Variants in SARAF observed in about 807,000 individuals in gnomAD.
SARAF encodes store-operated calcium entry-associated regulatory factor.
In SARAF, 23 loss-of-function variants were observed where a neutral mutation model predicts 39.7. The observed-to-expected ratio is 0.58, with a 90% CI of 0.42 to 0.82. The LOEUF (loss-of-function observed/expected upper bound fraction) is 0.82, where lower values mean the gene tolerates loss of function less well. Among genes scored for constraint, SARAF ranks in the 40% least tolerant of loss-of-function variants. The probability of loss-of-function intolerance (pLI) is 0.00; values close to 1 mark genes in which losing one functional copy is unlikely to be tolerated. For synonymous variants in SARAF, 175 were observed against 168.5 expected, an observed-to-expected ratio of 1.04 and a Z score of -0.30; for missense variants, 384 against 418.5, an observed-to-expected ratio of 0.92 and a Z score of 0.72.
chr8:30,075,596 G>C (rs990930046), intron 1 of SARAF, among the ~76,000 whole-genome samples: 5 of 152,124 alleles, frequency 3.3e-5, no homozygotes, highest in African/African-American at 1.2e-4. Flanking sequence ...CACAGGCATG[G>C]AGACCATGAG....
chr8:30,064,562 T>TATATATATATA (rs1182365966), intron 5 of SARAF, among the ~76,000 whole-genome samples: 8 of 18,632 alleles, frequency 4.3e-4, no homozygotes, highest in Non-Finnish European at 5.8e-4. Flanking sequence ...TATATATATA[T>TATATATATATA]TTTTTTTTTT....
intron 1 of SARAF, among the ~76,000 whole-genome samples, chr8:30,082,067 G>T (rs1032081101): frequency 6.6e-6 from 1 of 152,198 alleles, no homozygotes; most frequent in African/African-American, 2.4e-5. Context: ...TAAAGACGCG[G>T]TGGCTCACGC....
chr8:30,082,182 C>CAA (rs536943982), intron 1 of SARAF: 2 of 152,034 alleles, frequency 1.3e-5, no homozygotes, highest in African/African-American at 4.8e-5. Context: ...ACTAAAAATA[C>CAA]AAAAAAATAG....
At position 30,066,065 on chromosome 8, in the gene SARAF, G is replaced by A. The variant is rs2117420228; in HGVS notation, c.917C>T (p.Ala306Val). Residue 306 changes from alanine to valine, a missense_variant, in exon 5 of 6, where the codon GCT becomes GTT. Coordinates refer to ENST00000256255, the MANE Select transcript of SARAF (RefSeq NM_016127.6). ...PPSYPGTWNR[A>V]YSPLHGGSGS... is the part of the protein sequence containing the mutation. ...CGAGCCTCCATGAAGGGGTGAGTAA[G>A]CCCTATTCCACGTGCCAGGGTAGGA... 3 of 1,614,128 alleles carry A rather than the reference G, an allele frequency of 1.9e-6. No homozygotes were observed. The South Asian group carries it at 3.3e-5, about 18-fold the overall frequency.
intron 1 of SARAF, among the ~76,000 whole-genome samples, chr8:30,077,695 G>C (rs111951973): frequency 1.6e-4 from 24 of 150,864 alleles, no homozygotes; most frequent in Non-Finnish European, 2.2e-4. Context: ...CCAGCTACTC[G>C]GGGGGCTGAG....
Position 30,066,934 on chromosome 8 carries a change from A to G in SARAF, c.701-16T>C, listed in dbSNP as rs1801705584. On this transcript the variant is annotated splice_polypyrimidine_tract_variant and intron_variant, in intron 3 of 5. Transcript: ENST00000256255. The stretch of plus-strand genomic sequence containing the variant: ...TTCTGTGGTCCTTAAAATAAAAATG[A>G]TTTATTATGTATCCTCACTTAAACA... 1.3e-6 allele frequency: 2 copies of G among 1,546,192 alleles called. No individual in the cohort carries two copies. The highest frequency in any genetic ancestry group is 1.7e-5 in the Admixed American group (1 of 58,996).
At chr8:30,068,227 C>A (rs1026719195) in intron 3 of SARAF, among the ~76,000 whole-genome samples, 4 of 152,158 alleles carry the variant, frequency 2.6e-5, no homozygotes, top group African/African-American at 9.7e-5. Context: ...AAAGCCACTC[C>A]CCCATCACTT....
At chr8:30,065,294 T>C (rs900431127) in intron 5 of SARAF, among the ~76,000 whole-genome samples, 3 of 152,244 alleles carry the variant, frequency 2.0e-5, no homozygotes, top group Admixed American at 6.5e-5. Context: ...GAAGTATGCA[T>C]AGGTTCAATT....
At chr8:30,081,272 C>T (rs1802092815) in intron 1 of SARAF, among the ~76,000 whole-genome samples, 1 of 152,172 alleles carries the variant, frequency 6.6e-6, no homozygotes, top group Admixed American at 6.5e-5. Context: ...CGTAGATAAA[C>T]CAGGAAGTGG....
chr8:30,082,015 T>G (rs1264335584), intron 1 of SARAF, among the ~76,000 whole-genome samples: 1 of 152,148 alleles, frequency 6.6e-6, no homozygotes, highest in Non-Finnish European at 1.5e-5. Context: ...TGCCGCGCGA[T>G]GTACATCACT....
intron 1 of SARAF, among the ~76,000 whole-genome samples, chr8:30,077,193 T>C (rs747683911): frequency 5.9e-5 from 9 of 152,196 alleles, no homozygotes; most frequent in Non-Finnish European, 1.3e-4. Flanking sequence ...CAGTGGCTCA[T>C]GCCTGTAATC....
chr8:30,076,995 A>C (rs928226263), intron 1 of SARAF, among the ~76,000 whole-genome samples: 2 of 152,250 alleles, frequency 1.3e-5, no homozygotes, highest in Non-Finnish European at 2.9e-5. Flanking sequence ...AGGAAGCAGG[A>C]GGAAAAAAGA....
chr8:30,082,908 C>A lies in SARAF; in HGVS notation c.42G>T (p.Leu14Phe). Residue 14 changes from leucine (L) to phenylalanine (F), a missense_variant, in exon 1 of 6, where the codon TTG becomes TTT. Coordinates refer to ENST00000256255, the MANE Select transcript of SARAF (RefSeq NM_016127.6). Reference sequence around the variant, plus strand: ...GCAGAAACAAATGCAAGCCGAGGAGCAAGCAGTACCCGGCCGCTCCCGGCC... The same window carrying A: ...GCAGAAACAAATGCAAGCCGAGGAGAAAGCAGTACCCGGCCGCTCCCGGCC... ...ACGPGAAGYC[L>F]LLGLHLFLLT... 6.4e-7 allele frequency: 1 copy of A among 1,559,884 alleles called. No individual in the cohort carries two copies. Among genetic ancestry groups the A allele is most frequent in the South Asian group, 1.2e-5 (1 of 84,712 alleles).
At chr8:30,074,095 C>T (rs1290305238) in intron 1 of SARAF, 40 bp from the exon 2 acceptor site, 7 of 1,585,628 alleles carry the variant, frequency 4.4e-6, no homozygotes, top group South Asian at 2.3e-5. Context: ...AAGTAAGTAT[C>T]GTGTCAGAGA....
At position 30,069,945 on chromosome 8, in the gene SARAF, C is replaced by A; in HGVS notation, c.397G>T (p.Glu133Ter). Reference protein sequence around the residue: ...QYVLRGSCGLEYNLDYTELGL... With the variant: ...QYVLRGSCGL ...AGTTCTGTATAATCTAAATTATACT[C>A]CAAGCCACAAGAACCTCTTAGTACA... Residue 133 changes from glutamate to a stop codon, truncating the protein, a stop_gained, in exon 3 of 6, where the codon GAG (glutamate) becomes TAG (stop). Coordinates refer to ENST00000256255, the MANE Select transcript of SARAF (RefSeq NM_016127.6). LOFTEE classifies it high-confidence loss of function. The A allele has an allele frequency of 1.2e-6, 2 of 1,613,806 alleles. No homozygotes were observed. The highest frequency in any genetic ancestry group is 2.7e-5 in the African/African-American group (2 of 75,004).
rs1203826221 is a variant in SARAF, at chr8:30,070,008, CCA to C, written c.332_333del (p.Val111GlyfsTer4). ...LDIAYKFGKT[V>X]VSCEGYESSE... Reference sequence around the variant, plus strand: ...GAGGACTCATAGCCTTCACAGCTCACCACAGTTTTTCCAAATTTGTATGCAAT... The same window carrying C: ...GAGGACTCATAGCCTTCACAGCTCACCAGTTTTTCCAAATTTGTATGCAAT... On this transcript the variant is annotated frameshift_variant, in exon 3 of 6. Coordinates refer to ENST00000256255, the MANE Select transcript of SARAF (RefSeq NM_016127.6). LOFTEE classifies it high-confidence loss of function. 2.5e-6 allele frequency: 4 copies of C among 1,612,758 alleles called. No homozygotes were observed. In the South Asian group the frequency reaches 3.3e-5, roughly 13 times the overall value.
At position 30,077,292 on chromosome 8, in the gene SARAF, C is replaced by G. The variant is rs141757352; in HGVS notation, c.104-3237G>C. On this transcript the variant is annotated intron_variant, in intron 1 of 5. Coordinates refer to ENST00000256255, the MANE Select transcript of SARAF (RefSeq NM_016127.6). ...GCAACATGGCAAAACCCTGTCTCTA[C>G]AAAAAAAATTATAACATTAGCCAGG... 5.2e-3 allele frequency among the ~76,000 whole-genome samples: 786 copies of G among 151,594 alleles called. 5 individuals are homozygous for G. The highest frequency in any genetic ancestry group is 0.038 in the South Asian group (184 of 4,792).
At position 30,066,918 on chromosome 8, in the gene SARAF, C is replaced by T; in HGVS notation, c.701G>A (p.Gly234Glu). The T allele has an allele frequency of 6.2e-7, 1 of 1,613,360 alleles. No individual in the cohort carries two copies. The highest frequency in any genetic ancestry group is 8.5e-7 in the Non-Finnish European group (1 of 1,179,760). ...TGCACCATGGCCAGTATTCTGTGGT[C>T]CTTAAAATAAAAATGATTTATTATG... ...PPPGFKSEFT[G>E]PQNTGHGATS... Residue 234 changes from glycine to glutamate, a missense_variant and splice_region_variant, in exon 4 of 6, where the codon GGA becomes GAA. Gly to Glu is a moderately conservative substitution (Grantham distance 98). Coordinates refer to ENST00000256255, the MANE Select transcript of SARAF (RefSeq NM_016127.6).
At position 30,082,712 on chromosome 8, in the gene SARAF, C is replaced by CA. The variant is rs922167984; in HGVS notation, c.103+134dup. 80 of 630,644 alleles carry CA rather than the reference C, an allele frequency of 1.3e-4. No individual in the cohort carries two copies. The African/African-American group carries it at 1.4e-3, about 11-fold the overall frequency. The allele number at this position is 630,644 out of a possible 1,614,324, so 39.1% of individuals were successfully genotyped here. ...GTGGAACCAGGGAGAGCACGAACAG[C>CA]AAAGAGGTCAGACATGGGGAATCCG... On this transcript the variant is annotated intron_variant, in intron 1 of 5. Coordinates refer to ENST00000256255, the MANE Select transcript of SARAF (RefSeq NM_016127.6).
Sources: gnomAD v4.1 joint callset for allele counts (sites outside exome capture counted in the v4.1 genomes callset) on GRCh38, gnomAD v4.1.1 for gene constraint, MANE v1.5 for transcripts, NCBI Gene and HGNC (gene_info 2026-07-23, HGNC 2026-07-21) for gene names.